RAB3C: variants seen among roughly 807,000 people sequenced by gnomAD.
The protein encoded by RAB3C is RAB3C, member RAS oncogene family.
In RAB3C, 17 loss-of-function variants were observed where a neutral mutation model predicts 26.4. The ratio of observed to expected loss-of-function variants is 0.64; its 90% CI spans 0.44 to 0.97. The LOEUF is 0.97. RAB3C is among the 50% of genes least tolerant of loss of function. RAB3C has a pLI of 0.00. For missense variants in RAB3C, 242 were observed against 281.9 expected, an observed-to-expected ratio of 0.86 and a Z score of 1.01; for synonymous variants, 91 against 95.9, an observed-to-expected ratio of 0.95 and a Z score of 0.30.
At chr5:58,628,967 T>G (rs78124350) in intron 2 of RAB3C, among the ~76,000 whole-genome samples, 12,599 of 139,366 alleles carry the variant, frequency 0.09, 607 homozygotes, top group East Asian at 0.19. Flanking sequence ...GGCGAGAGGA[T>G]TGCTTGAGTA....
Position 58,793,603 on chromosome 5 carries a change from A to C in RAB3C, c.372-31435A>C, listed in dbSNP as rs1579921526. ...CCACTTTTTTTTTTTTTGCTTTGGC[A>C]GAGTACAGAATAAGTAAATGTACAC... On this transcript the variant is annotated intron_variant, in intron 3 of 4. Coordinates refer to ENST00000282878, the MANE Select transcript of RAB3C (RefSeq NM_138453.4). 2.9e-5 allele frequency among the ~76,000 whole-genome samples: 4 copies of C among 136,444 alleles called. No individual in the cohort carries two copies. In the East Asian group the frequency reaches 8.2e-4, roughly 28 times the overall value. The allele number at this position is 136,444 out of a possible 152,430, so 89.5% of individuals were successfully genotyped here.
At chr5:58,782,943 T>G (rs1403527866) in intron 3 of RAB3C, among the ~76,000 whole-genome samples, 1 of 152,166 alleles carries the variant, frequency 6.6e-6, no homozygotes, top group East Asian at 1.9e-4. Context: ...ATGTTATTTT[T>G]TTTTTAATTG....
chr5:58,766,200 C>T (rs1244437800), intron 3 of RAB3C, among the ~76,000 whole-genome samples: 2 of 151,798 alleles, frequency 1.3e-5, no homozygotes, highest in Admixed American at 6.6e-5. Context: ...TCACTGCAAC[C>T]TCCACCTCCC....
chr5:58,635,180 A>T (rs1018868265), intron 2 of RAB3C, among the ~76,000 whole-genome samples: 1 of 152,224 alleles, frequency 6.6e-6, no homozygotes. Flanking sequence ...ACCCATCTAG[A>T]TGTAAAAGTT....
At chr5:58,816,560 A>G (rs1033664138) in intron 3 of RAB3C, among the ~76,000 whole-genome samples, 1 of 152,186 alleles carries the variant, frequency 6.6e-6, no homozygotes, top group East Asian at 1.9e-4. Flanking sequence ...CAAGCACAGA[A>G]GTGGTAAGGC....
chr5:58,748,254 C>T (rs1472543826), intron 3 of RAB3C, among the ~76,000 whole-genome samples: 2 of 152,094 alleles, frequency 1.3e-5, no homozygotes, highest in African/African-American at 4.8e-5. Context: ...AGATAACTTA[C>T]CCTTTAAAGC....
intron 2 of RAB3C, among the ~76,000 whole-genome samples, chr5:58,679,336 T>C (rs1748299801): frequency 6.6e-6 from 1 of 152,226 alleles, no homozygotes; most frequent in African/African-American, 2.4e-5. Flanking sequence ...ACATCTTCTC[T>C]AGAGCCCCTT....
At chr5:58,634,106 A>C (rs1747241084) in intron 2 of RAB3C, among the ~76,000 whole-genome samples, 1 of 151,398 alleles carries the variant, frequency 6.6e-6, no homozygotes, top group Non-Finnish European at 1.5e-5. Context: ...GCGCCACTGC[A>C]CTCCAGCTTG....
At chr5:58,615,933 CCCTTTTT>C (rs1221219977) in intron 1 of RAB3C, among the ~76,000 whole-genome samples, 1 of 151,874 alleles carries the variant, frequency 6.6e-6, no homozygotes, top group Non-Finnish European at 1.5e-5. Flanking sequence ...CTCACCATTT[CCCTTTTT>C]CCTTTTTCCT....
intron 2 of RAB3C, among the ~76,000 whole-genome samples, chr5:58,668,031 C>G (rs917730856): frequency 7.9e-5 from 12 of 152,032 alleles, no homozygotes; most frequent in African/African-American, 2.9e-4. Flanking sequence ...TGGGTGTAAA[C>G]TATGGAGAGA....
rs541341998 is a variant in RAB3C, at chr5:58,746,474, G to A, written c.371+20354G>A. Among the ~76,000 whole-genome samples, 26 of 152,278 alleles carry A rather than the reference G, an allele frequency of 1.7e-4. 1 individual carries two copies. The East Asian group carries it at 2.9e-3, about 17-fold the overall frequency. ...GTCTTGCACATATATGCACACACACGTAGCCATCCTTATAATATTCTAGAG... is the reference window on the plus strand; with the variant it reads ...GTCTTGCACATATATGCACACACACATAGCCATCCTTATAATATTCTAGAG... On this transcript the variant is annotated intron_variant, in intron 3 of 4. Transcript: ENST00000282878.
chr5:58,753,360 C>G (rs943407926), intron 3 of RAB3C, among the ~76,000 whole-genome samples: 2 of 152,146 alleles, frequency 1.3e-5, no homozygotes, highest in African/African-American at 4.8e-5. Flanking sequence ...TCTTAAGAAG[C>G]AGTTATTTCT....
At chr5:58,802,022 G>T (rs976438424) in intron 3 of RAB3C, among the ~76,000 whole-genome samples, 2 of 152,172 alleles carry the variant, frequency 1.3e-5, no homozygotes, top group Non-Finnish European at 2.9e-5. Flanking sequence ...GACATACATT[G>T]TTCTTACTGA....
intron 2 of RAB3C, among the ~76,000 whole-genome samples, chr5:58,651,041 T>G (rs1747637645): frequency 6.6e-6 from 1 of 152,182 alleles, no homozygotes; most frequent in Non-Finnish European, 1.5e-5. Context: ...TTTGCAACAT[T>G]TGGAGCCTGT....
chr5:58,827,567 C>T (rs1743514388), intron 4 of RAB3C, among the ~76,000 whole-genome samples: 2 of 134,840 alleles, frequency 1.5e-5, no homozygotes, highest in East Asian at 5.0e-4. Flanking sequence ...CATCGACTGG[C>T]ACACACACAA....
intron 4 of RAB3C, among the ~76,000 whole-genome samples, chr5:58,834,462 G>A (rs1251304069): frequency 2.6e-5 from 4 of 152,148 alleles, no homozygotes; most frequent in Admixed American, 2.6e-4. Context: ...GGTTAACATT[G>A]CCCTAAAGCC....
intron 1 of RAB3C, among the ~76,000 whole-genome samples, chr5:58,588,345 C>T (rs62367842): frequency 0.32 from 49,060 of 151,996 alleles, 8,822 homozygotes; most frequent in Middle Eastern, 0.44. Flanking sequence ...GTTTTAGTGG[C>T]TCCACATCTT....
At chr5:58,598,468 C>T (rs920411962) in intron 1 of RAB3C, among the ~76,000 whole-genome samples, 6 of 151,920 alleles carry the variant, frequency 3.9e-5, no homozygotes, top group African/African-American at 1.5e-4. Flanking sequence ...TGGATTCTTC[C>T]CCTTATTAGT....
At chr5:58,637,021 C>T (rs1747303697) in intron 2 of RAB3C, among the ~76,000 whole-genome samples, 1 of 150,814 alleles carries the variant, frequency 6.6e-6, no homozygotes, top group Admixed American at 6.6e-5. Flanking sequence ...TTGTTAAATT[C>T]ACAATTAGTG....
Sources: allele counts gnomAD v4.1 joint callset (sites outside exome capture counted in the v4.1 genomes callset), GRCh38; gene constraint gnomAD v4.1.1; transcripts MANE v1.5; gene names NCBI Gene and HGNC (gene_info 2026-07-23, HGNC 2026-07-21).